PCDHGB4: variants seen among roughly 807,000 people sequenced by gnomAD.
PCDHGB4 encodes the protein protocadherin gamma-B4.
Under a neutral mutation model 60.5 loss-of-function variants are expected in PCDHGB4, and 38 were observed. The observed-to-expected ratio is 0.63, with a 90% CI of 0.48 to 0.82. PCDHGB4 has a LOEUF of 0.82. Ranked by LOEUF, PCDHGB4 falls within the 40% of genes least tolerant of loss-of-function variation. The pLI is 0.00. For synonymous variants in PCDHGB4, 456 were observed against 509.7 expected, an observed-to-expected ratio of 0.89 and a Z score of 1.42; for missense variants, 1,109 against 1,209.6, an observed-to-expected ratio of 0.92 and a Z score of 1.23.
At chr5:141,453,464 C>A (rs186131587) in intron 1 of PCDHGB4, among the ~76,000 whole-genome samples, 16 of 152,090 alleles carry the variant, frequency 1.1e-4, no homozygotes, top group Non-Finnish European at 1.9e-4. Flanking sequence ...AAAACATTAA[C>A]ATAAAGTCAA....
intron 1 of PCDHGB4, among the ~76,000 whole-genome samples, chr5:141,425,691 T>C (rs1411905655): frequency 6.6e-6 from 1 of 152,238 alleles, no homozygotes. Context: ...TGCATATCAT[T>C]TCATAGTGGT....
intron 3 of PCDHGB4, among the ~76,000 whole-genome samples, chr5:141,505,697 C>T (rs540949327): frequency 1.4e-4 from 21 of 152,198 alleles, no homozygotes; most frequent in Admixed American, 7.2e-4. Context: ...TGGAGGAGAG[C>T]GAACAAGGAA....
intron 1 of PCDHGB4, among the ~76,000 whole-genome samples, chr5:141,474,089 CAAACAACAACAA>C (rs985204397): frequency 3.3e-5 from 5 of 152,116 alleles, no homozygotes; most frequent in Admixed American, 2.0e-4. Flanking sequence ...AACCAAAAAA[CAAACAACAACAA>C]AAACAACAAC....
At chr5:141,403,876 T>A (rs1189942027) in intron 1 of PCDHGB4, 3 of 1,613,702 alleles carry the variant, frequency 1.9e-6, no homozygotes, top group African/African-American at 1.3e-5. Flanking sequence ...AAAGTCTAGA[T>A]TATGAAGAAT....
Position 141,421,259 on chromosome 5 carries a change from G to C in PCDHGB4, c.2397+30978G>C. The C allele has an allele frequency of 6.2e-7, 1 of 1,609,254 alleles. No individual in the cohort carries two copies. The highest frequency in any genetic ancestry group is 8.5e-7 in the Non-Finnish European group (1 of 1,178,538). The stretch of plus-strand genomic sequence containing the variant: ...AATCGGCTACAGCGCGGGGACCGCA[G>C]TCGGCTGCTGCTGCTGCTGTGCATT... On this transcript the variant is annotated intron_variant, in intron 1 of 3. Transcript: ENST00000519479.
intron 2 of PCDHGB4, among the ~76,000 whole-genome samples, chr5:141,498,792 G>A (rs1217057199): frequency 2.6e-5 from 4 of 152,086 alleles, no homozygotes; most frequent in Admixed American, 2.6e-4. Context: ...TATTAGCCAG[G>A]TGTGGTGGTG....
chr5:141,438,526 G>A (rs188552043), intron 1 of PCDHGB4, among the ~76,000 whole-genome samples: 11 of 143,330 alleles, frequency 7.7e-5, no homozygotes, highest in Non-Finnish European at 1.5e-4. Flanking sequence ...ATTTTACATG[G>A]ACTTTTCCTC....
chr5:141,472,980 C>CAAAAAAAAAAAAAAAAAGAAAAAAAA (rs2099309731), intron 1 of PCDHGB4, among the ~76,000 whole-genome samples: 1 of 86,100 alleles, frequency 1.2e-5, no homozygotes, highest in African/African-American at 3.9e-5. Flanking sequence ...GAGTGAAACT[C>CAAAAAAAAAAAAAAAAAGAAAAAAAA]AAAAAAAAAA....
intron 1 of PCDHGB4, among the ~76,000 whole-genome samples, chr5:141,460,104 T>C (rs2098982178): frequency 6.6e-6 from 1 of 151,986 alleles, no homozygotes; most frequent in African/African-American, 2.4e-5. Flanking sequence ...CATGTAATTA[T>C]ATATGATTTT....
At chr5:141,469,674 A>G (rs532726373) in intron 1 of PCDHGB4, among the ~76,000 whole-genome samples, 23 of 152,380 alleles carry the variant, frequency 1.5e-4, no homozygotes, top group Non-Finnish European at 2.2e-4. Flanking sequence ...TAATAAAACT[A>G]CATATGCATT....
At position 141,388,041 on chromosome 5, in the gene PCDHGB4, G is replaced by C. The variant is rs2091214564; in HGVS notation, c.157G>C (p.Asp53His). The C allele has an allele frequency of 2.1e-6, 3 of 1,416,086 alleles. No homozygotes were observed. The African/African-American group carries it at 4.3e-5, about 20-fold the overall frequency. The allele number at this position is 1,416,086 out of a possible 1,614,324, so 87.7% of individuals were successfully genotyped here. ...KGSVVGNLAT[D>H]LGFSVQELPT... is the part of the protein sequence containing the mutation. ...CTCCGTAGTGGGGAACCTCGCCACG[G>C]ACCTGGGGTTCAGCGTCCAGGAGTT... Residue 53 changes from aspartate (D) to histidine (H), a missense_variant, in exon 1 of 4, where the codon GAC becomes CAC. Transcript: ENST00000519479.
chr5:141,423,226 G>A lies in PCDHGB4; in HGVS notation c.2397+32945G>A, dbSNP rs775936938. On this transcript the variant is annotated intron_variant, in intron 1 of 3. Coordinates refer to ENST00000519479, the MANE Select transcript of PCDHGB4 (RefSeq NM_003736.4). The stretch of plus-strand genomic sequence containing the variant: ...CGTCACGCTCACCGTGGCTGTGGCC[G>A]ACAGCATCCCCGAAGTCCTGGCGGA... The A allele has an allele frequency of 2.2e-5, 36 of 1,613,708 alleles. No homozygotes were observed. The highest frequency in any genetic ancestry group is 2.6e-5 in the Non-Finnish European group (31 of 1,180,034).
At chr5:141,502,300 TTCCTC>T (rs139569110) in intron 2 of PCDHGB4, among the ~76,000 whole-genome samples, 4,853 of 152,256 alleles carry the variant, frequency 0.032, 250 homozygotes, top group African/African-American at 0.11. Flanking sequence ...TGTCACGTCT[TTCCTC>T]TCCTTTAATC....
intron 1 of PCDHGB4, chr5:141,423,597 G>A: frequency 6.2e-7 from 1 of 1,613,188 alleles, no homozygotes; most frequent in Non-Finnish European, 8.5e-7. Context: ...AGAAAAGCGA[G>A]CCACTCTTGA....
chr5:141,485,106 T>C lies in PCDHGB4; in HGVS notation c.2398-9701T>C, dbSNP rs2099607051. The C allele has an allele frequency of 3.3e-6, 4 of 1,206,448 alleles. No homozygotes were observed. Among genetic ancestry groups the C allele is most frequent in the Non-Finnish European group, 4.8e-6 (4 of 828,284 alleles). 74.7% of individuals were successfully genotyped at this position (1,206,448 alleles called of 1,614,324 possible). ...GGGAGATAGGTGTCTCCAGCTGCTGTGGCTGTTTGGGGCGGGTCGGCTTCA... is the reference window on the plus strand; with the variant it reads ...GGGAGATAGGTGTCTCCAGCTGCTGCGGCTGTTTGGGGCGGGTCGGCTTCA... On this transcript the variant is annotated intron_variant, in intron 1 of 3. Coordinates refer to ENST00000519479, the MANE Select transcript of PCDHGB4 (RefSeq NM_003736.4). This position sits in a 1 kb window ranked among gnomAD's most constrained non-coding sequence, Gnocchi z 5.7.
intron 1 of PCDHGB4, chr5:141,403,361 A>T (rs760277157): frequency 3.1e-6 from 5 of 1,614,050 alleles, no homozygotes; most frequent in Middle Eastern, 1.6e-4. Context: ...CCAGGCCGAA[A>T]GTCTGGAAGT....
chr5:141,394,802 C>A, intron 1 of PCDHGB4: 1 of 1,613,810 alleles, frequency 6.2e-7, no homozygotes, highest in East Asian at 2.2e-5. Context: ...TCACCGTAGC[C>A]GTGGCTGACA....
intron 1 of PCDHGB4, chr5:141,419,610 C>G: frequency 1.9e-6 from 3 of 1,612,130 alleles, no homozygotes; most frequent in Middle Eastern, 1.8e-4. Flanking sequence ...GCCGCGCAGC[C>G]AGGCTACCTG....
At position 141,399,297 on chromosome 5, in the gene PCDHGB4, T is replaced by G. The variant is rs370898446; in HGVS notation, c.2397+9016T>G. On this transcript the variant is annotated intron_variant, in intron 1 of 3. Transcript: ENST00000519479. The stretch of plus-strand genomic sequence containing the variant: ...TACAAGGCGAAGTCCCTTTTAAGAT[T>G]ATCTCTTCATCCAAAAATTCGTATA... 14 of 1,613,948 alleles carry G rather than the reference T, an allele frequency of 8.7e-6. No individual in the cohort carries two copies. The East Asian group carries it at 2.9e-4, about 33-fold the overall frequency.
Sources: gnomAD v4.1 joint callset for allele counts (sites outside exome capture counted in the v4.1 genomes callset) on GRCh38, gnomAD v4.1.1 for gene constraint, Gnocchi (gnomAD v3.1) non-coding constraint, MANE v1.5 for transcripts, NCBI Gene and HGNC (gene_info 2026-07-23, HGNC 2026-07-21) for gene names.